The following PLS3 variants were observed in gnomAD, a reference collection of about 807,000 sequenced individuals.
PLS3 encodes plastin 3.
Under a neutral mutation model 46.5 loss-of-function variants are expected in PLS3, and 11 were observed. That is an observed-to-expected ratio of 0.24 (90% confidence interval 0.15 to 0.39). The LOEUF (loss-of-function observed/expected upper bound fraction) is 0.39. Ranked by LOEUF, PLS3 falls within the 10% of genes least tolerant of loss-of-function variation. The pLI is 1.00. For missense variants in PLS3, 308 were observed against 461.8 expected (o/e 0.67, Z 3.05); for synonymous variants, 167 against 162.2 (o/e 1.03, Z -0.22).
chrX:115,635,120 A>G, intron 7 of PLS3, 74 bp downstream of exon 7: 1 of 888,877 alleles, frequency 1.1e-6, no homozygotes, highest in Admixed American at 2.5e-5. Context: ...TCGTGCTCTC[A>G]CTTAATGGAG....
chrX:115,624,921 C>T (rs1389864661), intron 3 of PLS3, among the ~76,000 whole-genome samples: 2 of 111,525 alleles, frequency 1.8e-5, no homozygotes, highest in African/African-American at 6.5e-5. Context: ...TTCCTTTTTG[C>T]CTAACATTAC....
intron 2 of PLS3, among the ~76,000 whole-genome samples, chrX:115,619,570 A>G (rs1469600477): frequency 8.9e-6 from 1 of 112,925 alleles, no homozygotes; most frequent in Non-Finnish European, 1.9e-5. Flanking sequence ...AGAAATAAAG[A>G]GTTTGATGTA....
intron 5 of PLS3, among the ~76,000 whole-genome samples, chrX:115,631,908 A>G (rs1349840290): frequency 9.1e-6 from 1 of 110,262 alleles, no homozygotes; most frequent in Non-Finnish European, 1.9e-5. Flanking sequence ...GTTTCAAGCA[A>G]TTCTTATGCC....
chrX:115,573,534 G>C (rs782586248), intron 1 of PLS3, among the ~76,000 whole-genome samples: 5 of 112,302 alleles, frequency 4.5e-5, no homozygotes, highest in Non-Finnish European at 7.5e-5. Context: ...AAATATTCAT[G>C]TATGCAGAAG....
chrX:115,635,444 T>A (rs1369995154), intron 7 of PLS3, among the ~76,000 whole-genome samples: 2 of 109,176 alleles, frequency 1.8e-5, no homozygotes, highest in African/African-American at 6.7e-5. Context: ...TGGAGCGCAG[T>A]GGCACAATCA....
At chrX:115,634,366 A>G (rs1395399729) in intron 6 of PLS3, among the ~76,000 whole-genome samples, 1 of 112,250 alleles carries the variant, frequency 8.9e-6, no homozygotes, top group African/African-American at 3.2e-5. Flanking sequence ...GCAGAAGTAT[A>G]TAAGCTCTTA....
intron 3 of PLS3, among the ~76,000 whole-genome samples, chrX:115,627,507 G>A (rs1419485968): frequency 3.7e-5 from 4 of 108,153 alleles, no homozygotes; most frequent in Admixed American, 2.9e-4. Flanking sequence ...GAGCAGCTGC[G>A]TTGTTATCAA....
intron 1 of PLS3, among the ~76,000 whole-genome samples, chrX:115,575,393 A>G (rs1280612794): frequency 8.9e-6 from 1 of 112,021 alleles, no homozygotes; most frequent in Non-Finnish European, 1.9e-5. Flanking sequence ...TGCTCTTAAT[A>G]TAAATCCTTG....
At chrX:115,607,713 G>A (rs1428037918) in intron 1 of PLS3, among the ~76,000 whole-genome samples, 1 of 111,571 alleles carries the variant, frequency 9.0e-6, no homozygotes, top group Non-Finnish European at 1.9e-5. Flanking sequence ...ATGTTGGTGA[G>A]ACTGGCCTCG....
At chrX:115,644,452 G>A (rs1347590027) in intron 10 of PLS3, among the ~76,000 whole-genome samples, 1 of 109,835 alleles carries the variant, frequency 9.1e-6, no homozygotes, top group Non-Finnish European at 1.9e-5. Flanking sequence ...CAAAAAATTA[G>A]GCAGGCATTG....
At chrX:115,568,365 C>T (rs1216723106) in intron 1 of PLS3, among the ~76,000 whole-genome samples, 1 of 111,836 alleles carries the variant, frequency 8.9e-6, no homozygotes, top group Non-Finnish European at 1.9e-5. Flanking sequence ...TTTAAATGCT[C>T]ATATTTTTAT....
At chrX:115,565,255 A>T (rs1208933530) in intron 1 of PLS3, among the ~76,000 whole-genome samples, 1 of 111,944 alleles carries the variant, frequency 8.9e-6, no homozygotes, top group East Asian at 2.8e-4. Context: ...AAATTTAATA[A>T]TACCAAATTT....
At chrX:115,626,310 G>A (rs781869249) in intron 3 of PLS3, among the ~76,000 whole-genome samples, 15 of 106,764 alleles carry the variant, frequency 1.4e-4, no homozygotes, top group South Asian at 1.3e-3. Context: ...TTGAGACGGA[G>A]TTTCACTCTT....
chrX:115,621,749 A>C (rs1319456171), intron 2 of PLS3, among the ~76,000 whole-genome samples: 1 of 112,010 alleles, frequency 8.9e-6, no homozygotes, highest in Admixed American at 9.5e-5. Context: ...TGTTTACATT[A>C]ACTCTTAAAA....
chrX:115,621,843 G>A (rs889288231), intron 2 of PLS3, among the ~76,000 whole-genome samples: 4 of 111,827 alleles, frequency 3.6e-5, no homozygotes, highest in African/African-American at 6.5e-5. Context: ...TCTTTTTGGA[G>A]CAATGGAAGA....
chrX:115,567,213 T>C (rs141318445), intron 1 of PLS3, among the ~76,000 whole-genome samples: 2,215 of 111,435 alleles, frequency 0.02, 63 homozygotes, highest in African/African-American at 0.069. Context: ...TTCCTCCTCA[T>C]AATTGCAGTC....
At chrX:115,614,489 T>C (rs2074578217) in intron 2 of PLS3, 1 of 748,227 alleles carries the variant, frequency 1.3e-6, no homozygotes, top group Admixed American at 8.8e-5. Context: ...TAGCTGGAAC[T>C]CATTAAACTG....
At chrX:115,635,806 A>G (rs367929849) in intron 7 of PLS3, among the ~76,000 whole-genome samples, 1 of 108,822 alleles carries the variant, frequency 9.2e-6, no homozygotes, top group African/African-American at 3.3e-5. Context: ...CCTGGCTAAC[A>G]TGGCGGAACC....
intron 1 of PLS3, among the ~76,000 whole-genome samples, chrX:115,586,032 G>C (rs2074305776): frequency 9.2e-6 from 1 of 108,799 alleles, no homozygotes; most frequent in Non-Finnish European, 1.9e-5. Flanking sequence ...TGTTGCCCAG[G>C]CTGAGGTGCA....
Sources: allele counts gnomAD v4.1 joint callset (sites outside exome capture counted in the v4.1 genomes callset), GRCh38; gene constraint gnomAD v4.1.1; transcripts MANE v1.5; gene names NCBI Gene and HGNC (gene_info 2026-07-23, HGNC 2026-07-21).